The following TLN2 variants were observed in gnomAD, a reference collection of about 807,000 sequenced individuals.
The protein encoded by TLN2 is talin 2.
TLN2 carries 118 observed loss-of-function variants against 294.7 expected under a neutral mutation model. The ratio of observed to expected loss-of-function variants is 0.40; its 90% CI spans 0.34 to 0.47. TLN2 has a LOEUF of 0.47. Among genes scored for constraint, TLN2 ranks in the 20% least tolerant of loss-of-function variants. TLN2 has a pLI of 0.84. For synonymous variants in TLN2, 1,431 were observed against 1,304.5 expected, an observed-to-expected ratio of 1.10 and a Z score of -2.09; for missense variants, 3,083 against 3,282.2, an observed-to-expected ratio of 0.94 and a Z score of 1.48.
rs929727128 is a variant in TLN2, at chr15:62,425,804, A to G, written c.-238+35119A>G. On this transcript the variant is annotated intron_variant, in intron 1 of 58. Coordinates refer to ENST00000636159, the MANE Select transcript of TLN2 (RefSeq NM_015059.3). Reference sequence around the variant, plus strand: ...CAGTTGGTATGCAGCATGTGTGTGCATTGTTGCTTTTAGTAATAGTTGCTC... The same window carrying G: ...CAGTTGGTATGCAGCATGTGTGTGCGTTGTTGCTTTTAGTAATAGTTGCTC... Among the ~76,000 whole-genome samples the G allele has an allele frequency of 3.9e-5, 6 of 152,132 alleles. 1 individual carries two copies. The highest frequency in any genetic ancestry group is 3.9e-4 in the Admixed American group (6 of 15,274).
chr15:62,668,661 G>T (rs2055022439), intron 9 of TLN2, among the ~76,000 whole-genome samples: 1 of 152,206 alleles, frequency 6.6e-6, no homozygotes, highest in Non-Finnish European at 1.5e-5. Flanking sequence ...GAGACGGCGT[G>T]TGTGCTGTGA....
intron 1 of TLN2, among the ~76,000 whole-genome samples, chr15:62,395,120 T>C (rs551603768): frequency 1.3e-5 from 2 of 151,700 alleles, no homozygotes; most frequent in South Asian, 2.1e-4. Flanking sequence ...GGGTTTACCA[T>C]GTACTTTATG....
intron 1 of TLN2, among the ~76,000 whole-genome samples, chr15:62,530,009 GGT>G (rs1208527822): frequency 6.6e-6 from 1 of 152,110 alleles, no homozygotes; most frequent in Non-Finnish European, 1.5e-5. Context: ...CTGACCAACT[GGT>G]GAAACCCCTT....
intron 1 of TLN2, among the ~76,000 whole-genome samples, chr15:62,504,096 T>A (rs2039453925): frequency 6.6e-6 from 1 of 152,238 alleles, no homozygotes; most frequent in South Asian, 2.1e-4. Flanking sequence ...ATTTGCTGTT[T>A]TCCAGCAACT....
intron 46 of TLN2, among the ~76,000 whole-genome samples, chr15:62,794,387 C>T (rs542055995): frequency 2.6e-5 from 4 of 152,252 alleles, no homozygotes; most frequent in Non-Finnish European, 4.4e-5. Context: ...GCCTTTGTGT[C>T]CTCAGACCCT....
intron 1 of TLN2, among the ~76,000 whole-genome samples, chr15:62,398,083 C>T (rs2032707915): frequency 6.6e-6 from 1 of 152,210 alleles, no homozygotes; most frequent in Non-Finnish European, 1.5e-5. Flanking sequence ...TGTACCCATG[C>T]AGAATCTCAT....
chr15:62,530,350 G>T (rs1447263389), intron 1 of TLN2, among the ~76,000 whole-genome samples: 1 of 150,942 alleles, frequency 6.6e-6, no homozygotes, highest in Non-Finnish European at 1.5e-5. Flanking sequence ...ATTTATTCAT[G>T]TATTCATTCA....
At chr15:62,669,279 T>C (rs2055107096) in intron 9 of TLN2, among the ~76,000 whole-genome samples, 1 of 152,238 alleles carries the variant, frequency 6.6e-6, no homozygotes, top group African/African-American at 2.4e-5. Context: ...CATATAATCA[T>C]GTGCTCTCCA....
intron 52 of TLN2, among the ~76,000 whole-genome samples, chr15:62,814,329 C>T (rs1567664268): frequency 6.6e-6 from 1 of 152,194 alleles, no homozygotes; most frequent in Admixed American, 6.5e-5. Context: ...ATTTTATTGA[C>T]TTCCTTCTAT....
At chr15:62,669,257 A>G (rs1479823658) in intron 9 of TLN2, among the ~76,000 whole-genome samples, 2 of 152,220 alleles carry the variant, frequency 1.3e-5, no homozygotes, top group African/African-American at 2.4e-5. Flanking sequence ...CTCATGGGCT[A>G]TGTCAGTGTA....
At chr15:62,531,296 T>G (rs936682871) in intron 1 of TLN2, among the ~76,000 whole-genome samples, 2 of 152,216 alleles carry the variant, frequency 1.3e-5, no homozygotes, top group African/African-American at 4.8e-5. Flanking sequence ...GAGAACATTA[T>G]GTTAACTGAA....
In TLN2 at chr15:62,702,063, A is replaced by C; in HGVS notation, c.1768A>C (p.Met590Leu). ...CACTATTTCTTCCAACCTGACGGAG[A>C]TGTCCAAGGGTGTGAAGCTATTGGC... The part of the protein sequence containing the change: ...ITTISSNLTE[M>L]SKGVKLLAAL... The change falls in exon 18 of 59, where the codon ATG (methionine) becomes CTG (leucine). Residue 590 changes from methionine to leucine, a missense_variant. Met to Leu is a conservative substitution (Grantham distance 15). Coordinates refer to ENST00000636159, the MANE Select transcript of TLN2 (RefSeq NM_015059.3). 1 of 1,614,210 alleles carries C rather than the reference A, an allele frequency of 6.2e-7. No homozygotes were observed.
At chr15:62,808,721 C>G (rs1485053480) in intron 51 of TLN2, among the ~76,000 whole-genome samples, 1 of 152,134 alleles carries the variant, frequency 6.6e-6, no homozygotes, top group Non-Finnish European at 1.5e-5. Context: ...TGTGCCTCAC[C>G]GTTCGAGGCA....
At chr15:62,403,853 C>T (rs993645314) in intron 1 of TLN2, among the ~76,000 whole-genome samples, 1 of 152,208 alleles carries the variant, frequency 6.6e-6, no homozygotes, top group Admixed American at 6.5e-5. Flanking sequence ...AAGCTTCTTC[C>T]TTATTTTTCT....
chr15:62,599,198 T>C (rs1250348688), intron 2 of TLN2, among the ~76,000 whole-genome samples: 1 of 152,206 alleles, frequency 6.6e-6, no homozygotes, highest in Non-Finnish European at 1.5e-5. Flanking sequence ...GAGCTGGGCC[T>C]CAGTTACTTA....
intron 52 of TLN2, among the ~76,000 whole-genome samples, chr15:62,815,216 C>CAG (rs2067016650): frequency 1.3e-5 from 2 of 151,612 alleles, no homozygotes; most frequent in Non-Finnish European, 2.9e-5. Context: ...CACACACACA[C>CAG]ACACACACAC....
intron 1 of TLN2, among the ~76,000 whole-genome samples, chr15:62,460,896 CCA>C (rs1478132436): frequency 1.3e-5 from 2 of 151,954 alleles, no homozygotes; most frequent in Non-Finnish European, 2.9e-5. Context: ...CACCGCCTTC[CCA>C]CAGTCATAAT....
intron 22 of TLN2, among the ~76,000 whole-genome samples, chr15:62,714,826 A>T (rs970031449): frequency 2.2e-4 from 34 of 151,950 alleles, no homozygotes; most frequent in African/African-American, 8.0e-4. Flanking sequence ...CCCATATCTG[A>T]TACATATTCA....
At position 62,731,060 on chromosome 15, in the gene TLN2, G is replaced by A. The variant is rs760452313; in HGVS notation, c.3358+3871G>A. On this transcript the variant is annotated intron_variant, in intron 28 of 58. Transcript: ENST00000636159. ...CAGTTCACTTTTCCTCTCTTTAGCG[G>A]TGTCTATTCTGCTTTCAACCCCTTC... Among the ~76,000 whole-genome samples the A allele has an allele frequency of 2.6e-5, 4 of 151,944 alleles. No homozygotes were observed. In the South Asian group the frequency reaches 6.2e-4, roughly 24 times the overall value.
Sources: gnomAD v4.1 joint callset for allele counts (sites outside exome capture counted in the v4.1 genomes callset) on GRCh38, gnomAD v4.1.1 for gene constraint, MANE v1.5 for transcripts, NCBI Gene and HGNC (gene_info 2026-07-23, HGNC 2026-07-21) for gene names.